The following SLC5A6 variants were observed in gnomAD, a reference collection of about 807,000 sequenced individuals.
The protein encoded by SLC5A6 is solute carrier family 5 member 6, also known as sodium-dependent multivitamin transporter.
A neutral mutation model predicts 67.9 loss-of-function variants in SLC5A6; 31 were observed. The observed-to-expected ratio is 0.46, with a 90% CI of 0.34 to 0.62. The LOEUF (loss-of-function observed/expected upper bound fraction) is 0.62. Ranked by LOEUF, SLC5A6 falls within the 20% of genes least tolerant of loss-of-function variation. The pLI, the probability that SLC5A6 is intolerant of heterozygous loss-of-function variation, is 0.01. For synonymous variants in SLC5A6, 343 were observed against 331.0 expected (o/e 1.04, Z -0.39); for missense variants, 673 against 812.8 (o/e 0.83, Z 2.09).
intron 7 of SLC5A6, 103 bp from the exon 8 acceptor site, chr2:27,205,034 G>A (rs1458744110): frequency 2.2e-6 from 3 of 1,390,724 alleles, no homozygotes; most frequent in South Asian, 2.4e-5. Context: ...AGACACCACT[G>A]CTAGGGCCAA....
In SLC5A6 at chr2:27,207,702, G is replaced by C; in HGVS notation, c.-52C>G. On this transcript the variant is annotated 5_prime_UTR_variant, in exon 3 of 17. Coordinates refer to ENST00000310574, the MANE Select transcript of SLC5A6 (RefSeq NM_021095.4). This position sits in a 1 kb window ranked among gnomAD's most constrained non-coding sequence, Gnocchi z 5.5. ...CCAGTTGCTGCTCCAGGGCTCTGGGGTAGGGCAGGGGCGGATGTGTGGCTA... is the reference window on the plus strand; with the variant it reads ...CCAGTTGCTGCTCCAGGGCTCTGGGCTAGGGCAGGGGCGGATGTGTGGCTA... 1 of 1,554,000 alleles carries C rather than the reference G, an allele frequency of 6.4e-7. No individual in the cohort carries two copies. The highest frequency in any genetic ancestry group is 8.8e-7 in the Non-Finnish European group (1 of 1,140,054).
intron 4 of SLC5A6, 148 bp from the exon 5 acceptor site, chr2:27,206,682 G>T: frequency 1.0e-6 from 1 of 955,200 alleles, no homozygotes; most frequent in Non-Finnish European, 1.7e-6. Flanking sequence ...CTGGCTTGCT[G>T]CCACCACAGT....
intron 2 of SLC5A6, among the ~76,000 whole-genome samples, chr2:27,209,199 G>A (rs979092253): frequency 1.3e-5 from 2 of 152,160 alleles, no homozygotes; most frequent in African/African-American, 4.8e-5. Context: ...CCCAGGTCTA[G>A]GGATTCACCA....
chr2:27,209,801 A>C (rs1030308701), intron 2 of SLC5A6, among the ~76,000 whole-genome samples: 3 of 152,166 alleles, frequency 2.0e-5, no homozygotes, highest in African/African-American at 7.2e-5. Context: ...CATGCAGACT[A>C]AACCTGAACT....
chr2:27,201,571 T>G lies in SLC5A6; in HGVS notation c.1544+95A>C, dbSNP rs550834773. Reference sequence around the variant, plus strand: ...TGGGACCCAATACCCAACATTTCCCTGGGGCCTCTGGTGGCCCATCCCTTA... The same window carrying G: ...TGGGACCCAATACCCAACATTTCCCGGGGGCCTCTGGTGGCCCATCCCTTA... On this transcript the variant is annotated intron_variant, in intron 14 of 16. Coordinates refer to ENST00000310574, the MANE Select transcript of SLC5A6 (RefSeq NM_021095.4). 2.2e-5 allele frequency: 30 copies of G among 1,392,612 alleles called. No homozygotes were observed. The African/African-American group carries it at 4.3e-4, about 20-fold the overall frequency. 86.3% of individuals were successfully genotyped at this position (1,392,612 alleles called of 1,614,324 possible).
intron 2 of SLC5A6, among the ~76,000 whole-genome samples, chr2:27,210,739 T>C (rs1248420662): frequency 6.6e-6 from 1 of 151,974 alleles, no homozygotes; most frequent in Admixed American, 6.6e-5. Flanking sequence ...AGTTCAGGTT[T>C]TTAAAAGGGG....
chr2:27,203,630 A>G (rs1483652507), intron 10 of SLC5A6, 149 bp downstream of exon 10: 4 of 677,064 alleles, frequency 5.9e-6, no homozygotes, highest in African/African-American at 1.8e-5. Context: ...TACAAAGATG[A>G]GCTATCCCTT....
At chr2:27,202,640 T>C (rs60519710) in intron 12 of SLC5A6, among the ~76,000 whole-genome samples, 173 bp downstream of exon 12, 1,797 of 152,076 alleles carry the variant, frequency 0.012, 35 homozygotes, top group African/African-American at 0.041. Flanking sequence ...GGAATGACCC[T>C]GCGTCCTCTG....
At chr2:27,212,620 A>G (rs1674628526), upstream of SLC5A6, 2 of 1,420,816 alleles carry the variant, frequency 1.4e-6, no homozygotes, top group East Asian at 2.7e-5. Flanking sequence ...CCTGTTCCCA[A>G]GTACTCACGT....
Position 27,200,096 on chromosome 2 carries a change from GCCA to G in SLC5A6, c.*337_*339del, listed in dbSNP as rs376605944. ...AATTATAACCAGAGTGCTGTTTCTA[GCCA>G]CTTACTTCAAAGGACTATGGCTATG... is the stretch of plus-strand genomic sequence containing the variant. On this transcript the variant is annotated 3_prime_UTR_variant, in exon 17 of 17. Coordinates refer to ENST00000310574, the MANE Select transcript of SLC5A6 (RefSeq NM_021095.4). The G allele has an allele frequency of 5.7e-3, 1,083 of 189,686 alleles. 2 individuals carry two copies. Among genetic ancestry groups the G allele is most frequent in the Non-Finnish European group, 8.7e-3 (804 of 92,132 alleles). 11.8% of individuals were successfully genotyped at this position (189,686 alleles called of 1,614,324 possible). A position where few individuals can be genotyped will look rare whatever the true frequency, so the allele number is the denominator to read the frequency against.
rs778243944 is a variant in SLC5A6 at position 27,209,328 on chromosome 2, C to T, written c.-140-1538G>A. Among the ~76,000 whole-genome samples, 8 of 152,266 alleles carry T rather than the reference C, an allele frequency of 5.3e-5. No individual in the cohort carries two copies. The South Asian group carries it at 1.0e-3, about 20-fold the overall frequency. On this transcript the variant is annotated intron_variant, in intron 2 of 16. Coordinates refer to ENST00000310574, the MANE Select transcript of SLC5A6 (RefSeq NM_021095.4). ...CATGTAGTTACACAGCCTAACATGA[C>T]GACAGTTAACATTTGCTGAACACCT...
At chr2:27,202,711 C>G in intron 12 of SLC5A6, 102 bp downstream of exon 12, 2 of 1,002,646 alleles carry the variant, frequency 2.0e-6, no homozygotes, top group Non-Finnish European at 3.2e-6. Context: ...CTTACGCCTG[C>G]CCCCCGGTCA....
rs995183050 is a variant in SLC5A6 at position 27,207,767 on chromosome 2, C to T, written c.-117G>A. On this transcript the variant is annotated 5_prime_UTR_variant, in exon 3 of 17. In the 5' UTR this introduces an upstream ATG that the reference lacks. Transcript: ENST00000310574. The surrounding 1 kb of genome is among the most constrained non-coding windows in gnomAD (Gnocchi z 5.5). The stretch of plus-strand genomic sequence containing the variant: ...GCCACAGTCTCACAGTCTTCCTCCA[C>T]GGAGTGATACTGTCCAGGGTGAGCT... 5.4e-6 allele frequency: 5 copies of T among 929,842 alleles called. No homozygotes were observed. Among genetic ancestry groups the T allele is most frequent in the South Asian group, 3.3e-5 (2 of 60,730 alleles). 57.6% of individuals were successfully genotyped at this position (929,842 alleles called of 1,614,324 possible).
intron 11 of SLC5A6, 31 bp from the exon 12 acceptor site, chr2:27,202,911 A>G: frequency 6.2e-7 from 1 of 1,611,370 alleles, no homozygotes; most frequent in Non-Finnish European, 8.5e-7. Flanking sequence ...AGGAAACAAG[A>G]AGGTGTGAGT....
Position 27,212,235 on chromosome 2 carries a change from A to G in SLC5A6, c.-423T>C. On this transcript the variant is annotated 5_prime_UTR_variant, in exon 1 of 17. Transcript: ENST00000310574. ...ACCAGCGCAGAGCTCCACGAGCAGGAAAAGCCCCCAAGCAGCCCCAGGGCG... is the reference window on the plus strand; with the variant it reads ...ACCAGCGCAGAGCTCCACGAGCAGGGAAAGCCCCCAAGCAGCCCCAGGGCG... 2 of 1,561,096 alleles carry G rather than the reference A, an allele frequency of 1.3e-6. No homozygotes were observed. The highest frequency in any genetic ancestry group is 2.3e-5 in the East Asian group (1 of 42,674).
chr2:27,212,472 A>T, upstream of SLC5A6: 1 of 1,560,970 alleles, frequency 6.4e-7, no homozygotes, highest in Non-Finnish European at 8.7e-7. Context: ...CCCGAGGTAC[A>T]GAAGCAAGTT....
intron 2 of SLC5A6, among the ~76,000 whole-genome samples, chr2:27,210,767 T>TA (rs1450786444): frequency 2.0e-5 from 3 of 152,072 alleles, no homozygotes; most frequent in African/African-American, 7.2e-5. Flanking sequence ...TCACTGCCTG[T>TA]AATCCCAGCA....
In SLC5A6 at chr2:27,206,035, A is replaced by G. The variant is rs774389503; in HGVS notation, c.570T>C (p.Tyr190=). ...GGCTTACTGCACTTACCAGAGCTGT[A>G]TAGACGGTACAGACAATGCCCAGGG... The part of the protein sequence containing the change: ...VLALGIVCTV[Y]TALGGLKAVI... Residue 190 remains tyrosine, a synonymous_variant, in exon 6 of 17, where the codon TAT becomes TAC. Coordinates refer to ENST00000310574, the MANE Select transcript of SLC5A6 (RefSeq NM_021095.4). 1.2e-6 allele frequency: 2 copies of G among 1,613,686 alleles called. No homozygotes were observed. The highest frequency in any genetic ancestry group is 4.5e-5 in the East Asian group (2 of 44,900).
intron 16 of SLC5A6, 30 bp downstream of exon 16, chr2:27,200,968 G>T (rs775907998): frequency 7.1e-7 from 1 of 1,413,792 alleles, no homozygotes; most frequent in Admixed American, 1.7e-5. Context: ...GAGAAGGGCA[G>T]GGAGGGGTCA....
Sources: gnomAD v4.1 joint callset for allele counts (sites outside exome capture counted in the v4.1 genomes callset) on GRCh38, gnomAD v4.1.1 for gene constraint, Gnocchi (gnomAD v3.1) non-coding constraint, MANE v1.5 for transcripts, NCBI Gene and HGNC (gene_info 2026-07-23, HGNC 2026-07-21) for gene names.